Variants in PHACTR4 observed in about 807,000 individuals in gnomAD.
PHACTR4 encodes the protein protein phosphatase 1, regulatory subunit 124.
In PHACTR4, 51 loss-of-function variants were observed where a neutral mutation model predicts 72.7. The ratio of observed to expected loss-of-function variants is 0.70; its 90% CI spans 0.56 to 0.89. PHACTR4 has a LOEUF of 0.89. PHACTR4 is among the 40% of genes least tolerant of loss of function. The pLI, the probability that PHACTR4 is intolerant of heterozygous loss-of-function variation, is 0.00. For synonymous variants in PHACTR4, 255 were observed against 302.5 expected, an observed-to-expected ratio of 0.84 and a Z score of 1.63; for missense variants, 731 against 861.8, an observed-to-expected ratio of 0.85 and a Z score of 1.90.
intron 2 of PHACTR4, among the ~76,000 whole-genome samples, chr1:28,454,976 C>G (rs1658267700): frequency 6.6e-6 from 1 of 152,082 alleles, no homozygotes; most frequent in South Asian, 2.1e-4. Flanking sequence ...TCTCCTGCCT[C>G]AGCCTCCCAA....
At chr1:28,451,170 G>A (rs1212591667) in intron 2 of PHACTR4, among the ~76,000 whole-genome samples, 1 of 151,572 alleles carries the variant, frequency 6.6e-6, no homozygotes, top group Admixed American at 6.6e-5. Context: ...GCCCAGGCTG[G>A]TCTTGAACTC....
At position 28,498,344 on chromosome 1, in the gene PHACTR4, G is replaced by A. The variant is rs183204563; in HGVS notation, c.*1795G>A. 4.1e-4 allele frequency: 62 copies of A among 152,922 alleles called. No homozygotes were observed. Among genetic ancestry groups the A allele is most frequent in the African/African-American group, 1.3e-3 (56 of 41,572 alleles). 9.5% of individuals were successfully genotyped at this position (152,922 alleles called of 1,614,324 possible). ...TGCTGCGTGCTTCCTCTTCACTCCA[G>A]TGCTGATCCTCCTGCTCTCTCTGGC... On this transcript the variant is annotated 3_prime_UTR_variant, in exon 14 of 14. Coordinates refer to ENST00000373839, the MANE Select transcript of PHACTR4 (RefSeq NM_001048183.3).
intron 2 of PHACTR4, among the ~76,000 whole-genome samples, chr1:28,452,948 A>C (rs145657922): frequency 5.9e-5 from 9 of 152,038 alleles, no homozygotes; most frequent in African/African-American, 1.9e-4. Flanking sequence ...GCGAAACCCT[A>C]TCTCTACTAA....
chr1:28,381,909 A>T (rs973930347), intron 1 of PHACTR4, among the ~76,000 whole-genome samples: 5 of 152,056 alleles, frequency 3.3e-5, no homozygotes, highest in Admixed American at 3.3e-4. Flanking sequence ...AGTAGCTGGG[A>T]TGACTACACC....
intron 1 of PHACTR4, among the ~76,000 whole-genome samples, chr1:28,398,364 CA>C: frequency 6.6e-6 from 1 of 151,730 alleles, no homozygotes; most frequent in Non-Finnish European, 1.5e-5. Context: ...ACTAAAAATA[CA>C]AAAAATTAGC....
intron 1 of PHACTR4, among the ~76,000 whole-genome samples, chr1:28,396,424 G>A (rs1295066434): frequency 6.6e-6 from 1 of 151,544 alleles, no homozygotes; most frequent in East Asian, 2.0e-4. Flanking sequence ...CCAGCTACTC[G>A]GGAGGCTGAG....
intron 9 of PHACTR4, among the ~76,000 whole-genome samples, chr1:28,487,259 G>A (rs1438262618): frequency 1.3e-5 from 2 of 151,552 alleles, no homozygotes; most frequent in African/African-American, 2.4e-5. Flanking sequence ...CCAGCTACTC[G>A]GGAGGCTGCG....
At chr1:28,375,879 G>A (rs537664611) in intron 1 of PHACTR4, among the ~76,000 whole-genome samples, 1 of 152,230 alleles carries the variant, frequency 6.6e-6, no homozygotes, top group Admixed American at 6.5e-5. Flanking sequence ...AGACCAGCCT[G>A]ACCAACATGG....
intron 1 of PHACTR4, among the ~76,000 whole-genome samples, chr1:28,386,433 TATCAG>T (rs1334410587): frequency 1.3e-5 from 2 of 152,114 alleles, no homozygotes; most frequent in Admixed American, 6.6e-5. Flanking sequence ...GTAGGTGTCT[TATCAG>T]GTCCCTTTCA....
chr1:28,462,156 C>T (rs561494856), intron 4 of PHACTR4, among the ~76,000 whole-genome samples: 3 of 151,964 alleles, frequency 2.0e-5, no homozygotes, highest in South Asian at 4.2e-4. Flanking sequence ...TACAGGCATC[C>T]GCCACCACAC....
chr1:28,481,805 AAAG>A (rs972001962), intron 9 of PHACTR4, among the ~76,000 whole-genome samples: 6 of 147,568 alleles, frequency 4.1e-5, no homozygotes, highest in Non-Finnish European at 7.4e-5. Context: ...AAAAAAAAGA[AAAG>A]AAAAGAAACA....
chr1:28,464,648 C>T (rs1338385733), intron 4 of PHACTR4, among the ~76,000 whole-genome samples: 1 of 152,162 alleles, frequency 6.6e-6, no homozygotes, highest in Non-Finnish European at 1.5e-5. Flanking sequence ...CTAATTAGAG[C>T]TCTTGACATT....
intron 2 of PHACTR4, among the ~76,000 whole-genome samples, chr1:28,422,135 A>G (rs1365822459): frequency 6.6e-6 from 1 of 152,218 alleles, no homozygotes; most frequent in African/African-American, 2.4e-5. Context: ...GTGTTATTGG[A>G]ATTTCCTGCC....
In PHACTR4 at chr1:28,498,458, G is replaced by T. The variant is rs1354102486; in HGVS notation, c.*1909G>T. The T allele has an allele frequency of 1.3e-5, 2 of 152,186 alleles. No homozygotes were observed. Among genetic ancestry groups the T allele is most frequent in the African/African-American group, 4.8e-5 (2 of 41,444 alleles). 9.4% of individuals were successfully genotyped at this position (152,186 alleles called of 1,614,324 possible). ...CTCAGCCCCCCTGCTTTCTGCATTT[G>T]TAATAGATATTAATATGATTTCCTA... On this transcript the variant is annotated 3_prime_UTR_variant, in exon 14 of 14. Transcript: ENST00000373839.
intron 2 of PHACTR4, among the ~76,000 whole-genome samples, chr1:28,430,856 C>T (rs889857054): frequency 3.3e-5 from 5 of 152,104 alleles, no homozygotes; most frequent in Admixed American, 2.0e-4. Context: ...AAGCATTCTA[C>T]TCTTGTGATT....
At chr1:28,418,500 AAAC>A (rs1018224275) in intron 2 of PHACTR4, among the ~76,000 whole-genome samples, 9 of 152,020 alleles carry the variant, frequency 5.9e-5, no homozygotes, top group African/African-American at 2.2e-4. Flanking sequence ...AAACAAAACA[AAAC>A]AAACAAACAA....
chr1:28,397,922 C>T (rs1366786475), intron 1 of PHACTR4, among the ~76,000 whole-genome samples: 1 of 151,704 alleles, frequency 6.6e-6, no homozygotes, highest in South Asian at 2.1e-4. Flanking sequence ...ACCATTTGGG[C>T]CAGGATGGTC....
In PHACTR4 at chr1:28,474,939, T is replaced by TTTTATTTATTTATTTA. The variant is rs143428465; in HGVS notation, c.1421+798_1421+813dup. 4.5e-3 allele frequency among the ~76,000 whole-genome samples: 678 copies of TTTTATTTATTTATTTA among 151,296 alleles called. 3 individuals carry two copies. Among genetic ancestry groups the TTTTATTTATTTATTTA allele is most frequent in the African/African-American group, 0.015 (633 of 40,930 alleles). On this transcript the variant is annotated intron_variant, in intron 7 of 13. Transcript: ENST00000373839. ...TTTTAATCTTACCTTAAAACTTTAT[T>TTTTATTTATTTATTTA]TTTATTTATTTATTTATTTATTTAT... is the stretch of plus-strand genomic sequence containing the variant.
chr1:28,397,317 G>A (rs1372652239), intron 1 of PHACTR4, among the ~76,000 whole-genome samples: 1 of 152,054 alleles, frequency 6.6e-6, no homozygotes, highest in African/African-American at 2.4e-5. Context: ...AAGACAAGAA[G>A]GTTAAATTAT....
Sources: gnomAD v4.1 joint callset for allele counts (sites outside exome capture counted in the v4.1 genomes callset) on GRCh38, gnomAD v4.1.1 for gene constraint, MANE v1.5 for transcripts, NCBI Gene and HGNC (gene_info 2026-07-23, HGNC 2026-07-21) for gene names.